PRKCE: variants seen among roughly 807,000 people sequenced by gnomAD.
PRKCE encodes protein kinase C epsilon.
A neutral mutation model predicts 85.4 loss-of-function variants in PRKCE; 16 were observed. The ratio of observed to expected loss-of-function variants is 0.19; its 90% CI spans 0.13 to 0.28. PRKCE has a LOEUF of 0.28. Ranked by LOEUF, PRKCE falls within the 10% of genes least tolerant of loss-of-function variation. The pLI, the probability that PRKCE is intolerant of heterozygous loss-of-function variation, is 1.00. For missense variants in PRKCE, 573 were observed against 975.2 expected (o/e 0.59, Z 5.49); for synonymous variants, 388 against 371.5 (o/e 1.04, Z -0.51).
intron 1 of PRKCE, among the ~76,000 whole-genome samples, chr2:45,748,880 A>C (rs1016080206): frequency 7.4e-6 from 1 of 135,662 alleles, no homozygotes; most frequent in African/African-American, 2.9e-5. Flanking sequence ...AAAAACAGAG[A>C]GGGAACAGGA....
chr2:45,787,821 G>T (rs1054778785), intron 1 of PRKCE, among the ~76,000 whole-genome samples: 1 of 152,174 alleles, frequency 6.6e-6, no homozygotes, highest in Non-Finnish European at 1.5e-5. Flanking sequence ...GACCTCAAGG[G>T]ATGAAGTTCT....
chr2:46,109,508 T>C (rs1005259127), intron 11 of PRKCE, among the ~76,000 whole-genome samples: 2 of 152,194 alleles, frequency 1.3e-5, no homozygotes, highest in Non-Finnish European at 2.9e-5. Context: ...CTCAATTGTT[T>C]ATTGCAAATA....
chr2:46,020,176 T>G (rs1706527398), intron 10 of PRKCE, among the ~76,000 whole-genome samples: 1 of 152,078 alleles, frequency 6.6e-6, no homozygotes, highest in Non-Finnish European at 1.5e-5. Context: ...AATTACATTT[T>G]GTGGAGGTGC....
rs1390819837 is a variant in PRKCE, at chr2:46,020,583, T to C, written c.1437+10066T>C. ...ATTCTGGTATTCTGTCTCAGTAACA[T>C]ATTTCATTGTTTAGATCACGCACAG... On this transcript the variant is annotated intron_variant, in intron 10 of 14. Coordinates refer to ENST00000306156, the MANE Select transcript of PRKCE (RefSeq NM_005400.3). Among the ~76,000 whole-genome samples, 6 of 152,214 alleles carry C rather than the reference T, an allele frequency of 3.9e-5. No homozygotes were observed. The East Asian group carries it at 1.2e-3, about 29-fold the overall frequency.
chr2:45,847,538 C>T (rs1367728995), intron 2 of PRKCE, among the ~76,000 whole-genome samples: 1 of 151,388 alleles, frequency 6.6e-6, no homozygotes, highest in Non-Finnish European at 1.5e-5. Flanking sequence ...GTGTAGAGCT[C>T]TTAGCTTTAC....
chr2:45,947,676 A>G (rs1573985851), intron 2 of PRKCE, among the ~76,000 whole-genome samples: 1 of 152,146 alleles, frequency 6.6e-6, no homozygotes, highest in South Asian at 2.1e-4. Context: ...TCAGTTGTCT[A>G]TAGTCCTTAT....
intron 3 of PRKCE, 82 bp from the exon 4 acceptor site, chr2:45,978,894 C>A (rs1203442450): frequency 7.9e-7 from 1 of 1,269,050 alleles, no homozygotes; most frequent in Admixed American, 1.7e-5. Flanking sequence ...TGGGTGGTGG[C>A]CCAAATTGGG....
chr2:46,097,413 G>C (rs1402049693), intron 11 of PRKCE, among the ~76,000 whole-genome samples: 5 of 152,040 alleles, frequency 3.3e-5, no homozygotes, highest in African/African-American at 9.7e-5. Context: ...CCAGCTACTC[G>C]GGAGGCTGAG....
intron 11 of PRKCE, among the ~76,000 whole-genome samples, chr2:46,088,998 C>T (rs1446638435): frequency 1.3e-5 from 2 of 152,158 alleles, no homozygotes; most frequent in Non-Finnish European, 2.9e-5. Context: ...AAAACTTGAC[C>T]TTCCCTTAGA....
intron 10 of PRKCE, among the ~76,000 whole-genome samples, chr2:46,076,394 G>C (rs562597197): frequency 2.6e-5 from 4 of 152,132 alleles, no homozygotes; most frequent in Non-Finnish European, 5.9e-5. Context: ...TCTTTCCCGT[G>C]GCTTTCACAC....
intron 2 of PRKCE, among the ~76,000 whole-genome samples, chr2:45,897,286 G>A (rs1450206954): frequency 6.6e-6 from 1 of 152,048 alleles, no homozygotes; most frequent in Non-Finnish European, 1.5e-5. Context: ...TTCCCAGACT[G>A]TATCTCCTGA....
chr2:45,873,229 T>C (rs188333695), intron 2 of PRKCE, among the ~76,000 whole-genome samples: 70 of 152,282 alleles, frequency 4.6e-4, no homozygotes, highest in African/African-American at 1.7e-3. Context: ...TGTCTGCCAC[T>C]GGTCAGTAGA....
chr2:46,040,319 G>C (rs1330676832), intron 10 of PRKCE, among the ~76,000 whole-genome samples: 1 of 152,250 alleles, frequency 6.6e-6, no homozygotes, highest in Non-Finnish European at 1.5e-5. Context: ...AGCAGGAATT[G>C]TGAAGGGTGA....
chr2:45,952,970 A>G (rs527395488), intron 2 of PRKCE, among the ~76,000 whole-genome samples: 6 of 152,324 alleles, frequency 3.9e-5, no homozygotes, highest in Admixed American at 1.3e-4. Context: ...TCACCCTGAC[A>G]TCTCATTTTA....
chr2:46,100,071 G>C (rs543080045), intron 11 of PRKCE, among the ~76,000 whole-genome samples: 1 of 152,322 alleles, frequency 6.6e-6, no homozygotes, highest in Non-Finnish European at 1.5e-5. Flanking sequence ...GGCCAGACTG[G>C]ATGATCTAGC....
chr2:46,173,382 T>A (rs1033562693), intron 14 of PRKCE, among the ~76,000 whole-genome samples: 13 of 152,164 alleles, frequency 8.5e-5, no homozygotes, highest in African/African-American at 3.1e-4. Context: ...CAGAAAAAAA[T>A]GGCAACCCTT....
chr2:45,977,421 G>A (rs1702541413), intron 3 of PRKCE, among the ~76,000 whole-genome samples: 1 of 152,034 alleles, frequency 6.6e-6, no homozygotes, highest in African/African-American at 2.4e-5. Flanking sequence ...CAGATTGCTT[G>A]AGGTCAGGAG....
At chr2:45,716,269 C>T (rs1680076802) in intron 1 of PRKCE, among the ~76,000 whole-genome samples, 1 of 152,200 alleles carries the variant, frequency 6.6e-6, no homozygotes, top group South Asian at 2.1e-4. Flanking sequence ...GTAATCCTAG[C>T]CCTTTGGGAG....
intron 6 of PRKCE, among the ~76,000 whole-genome samples, chr2:45,994,646 A>G (rs1704075896): frequency 6.6e-6 from 1 of 152,164 alleles, no homozygotes; most frequent in Non-Finnish European, 1.5e-5. Context: ...GCTGGATAAT[A>G]TTTCAGTGTC....
Sources: allele counts gnomAD v4.1 joint callset (sites outside exome capture counted in the v4.1 genomes callset), GRCh38; gene constraint gnomAD v4.1.1; transcripts MANE v1.5; gene names NCBI Gene and HGNC (gene_info 2026-07-23, HGNC 2026-07-21).